The following ERCC1 variants were observed in gnomAD, a reference collection of about 807,000 sequenced individuals.
ERCC1 encodes the protein ERCC excision repair 1, endonuclease non-catalytic subunit.
In ERCC1, 36 loss-of-function variants were observed where a neutral mutation model predicts 37.6. The ratio of observed to expected loss-of-function variants is 0.96; its 90% CI spans 0.73 to 1.26. The LOEUF (loss-of-function observed/expected upper bound fraction) is 1.26. ERCC1 is among the 50% of genes most tolerant of loss of function. ERCC1 has a pLI of 0.00. For missense variants in ERCC1, 349 were observed against 376.5 expected (o/e 0.93, Z 0.60); for synonymous variants, 156 against 162.1 (o/e 0.96, Z 0.28).
chr19:45,409,189 G>A lies in ERCC1; in HGVS notation c.*486C>T, dbSNP rs1973532958. 6.2e-7 allele frequency: 1 copy of A among 1,613,686 alleles called. No homozygotes were observed. The highest frequency in any genetic ancestry group is 1.1e-5 in the South Asian group (1 of 91,022). ...CAGAGACAGAGGTGGTGGGGCCTGA[G>A]CTGCCGGATGACCTTGAGCCTCAGG... On this transcript the variant is annotated 3_prime_UTR_variant, in exon 10 of 10. Transcript: ENST00000300853.
intron 6 of ERCC1, chr19:45,415,785 A>G (rs1184549802): frequency 4.4e-6 from 2 of 455,608 alleles, no homozygotes; most frequent in Non-Finnish European, 8.8e-6. Context: ...GCCCAACCCC[A>G]CTTCTCCCTG....
intron 1 of ERCC1, among the ~76,000 whole-genome samples, chr19:45,440,313 C>T (rs1312570021): frequency 6.6e-6 from 1 of 152,076 alleles, no homozygotes; most frequent in Non-Finnish European, 1.5e-5. Flanking sequence ...CCTATTTCCC[C>T]TCTCCACCCT....
At chr19:45,435,749 T>C (rs887698868) in intron 1 of ERCC1, among the ~76,000 whole-genome samples, 5 of 152,122 alleles carry the variant, frequency 3.3e-5, no homozygotes, top group African/African-American at 1.2e-4. Flanking sequence ...TGAGCCTCCA[T>C]GTTCAGTCCA....
chr19:45,433,173 T>G (rs1475463575), intron 1 of ERCC1, among the ~76,000 whole-genome samples: 1 of 152,000 alleles, frequency 6.6e-6, no homozygotes, highest in Non-Finnish European at 1.5e-5. Context: ...GCAGATCACT[T>G]GAGGTCAGGA....
At chr19:45,448,313 C>T (rs1175364458) in intron 1 of ERCC1, among the ~76,000 whole-genome samples, 1 of 152,124 alleles carries the variant, frequency 6.6e-6, no homozygotes, top group Non-Finnish European at 1.5e-5. Flanking sequence ...AGAGTCAAGG[C>T]CCAGAGAGCA....
At chr19:45,425,582 C>A (rs549619160), upstream of ERCC1, among the ~76,000 whole-genome samples, 14 of 152,092 alleles carry the variant, frequency 9.2e-5, no homozygotes, top group Admixed American at 9.2e-4. Context: ...GTTGGCCCTG[C>A]TGGTCTCGAA....
In ERCC1 at chr19:45,413,750, A is replaced by G; in HGVS notation, c.775-5T>C. The G allele has an allele frequency of 6.2e-7, 1 of 1,613,210 alleles. No homozygotes were observed. The highest frequency in any genetic ancestry group is 8.5e-7 in the Non-Finnish European group (1 of 1,180,038). Reference sequence around the variant, plus strand: ...GGCGATGAGCTGTTCCAGAGACTGAAAGGTGAAAGCGAGGGGTCAGGGCAG... The same window carrying G: ...GGCGATGAGCTGTTCCAGAGACTGAGAGGTGAAAGCGAGGGGTCAGGGCAG... On this transcript the variant is annotated splice_polypyrimidine_tract_variant and splice_region_variant and intron_variant, in intron 8 of 9. Coordinates refer to ENST00000300853, the MANE Select transcript of ERCC1 (RefSeq NM_001983.4).
chr19:45,409,328 AGGGCAACTCC>A lies in ERCC1; in HGVS notation c.*337_*346del. On this transcript the variant is annotated 3_prime_UTR_variant, in exon 10 of 10. Coordinates refer to ENST00000300853, the MANE Select transcript of ERCC1 (RefSeq NM_001983.4). The stretch of plus-strand genomic sequence containing the variant: ...GCCAGGGGAGGGACAGCCTGAAGCC[AGGGCAACTCC>A]GGGATCCACCAAGAAGAGGAAGAAG... 1 of 1,614,130 alleles carries A rather than the reference AGGGCAACTCC, an allele frequency of 6.2e-7. No homozygotes were observed. Among genetic ancestry groups the A allele is most frequent in the Non-Finnish European group, 8.5e-7 (1 of 1,180,014 alleles).
At chr19:45,427,189 A>T (rs1259979988), upstream of ERCC1, among the ~76,000 whole-genome samples, 1 of 152,072 alleles carries the variant, frequency 6.6e-6, no homozygotes, top group Non-Finnish European at 1.5e-5. Flanking sequence ...AGAAAAAGGA[A>T]ATCCAGAATC....
At position 45,413,953 on chromosome 19, in the gene ERCC1, C is replaced by G. The variant is rs1568577651; in HGVS notation, c.774+10G>C. The G allele has an allele frequency of 1.2e-6, 2 of 1,612,626 alleles. No homozygotes were observed. The highest frequency in any genetic ancestry group is 1.7e-6 in the Non-Finnish European group (2 of 1,178,998). ...AGAAATGCCTATGGGGCAGGGGAGCCATTCCTTACTCCAAATGTGGTCAGG... is the reference window on the plus strand; with the variant it reads ...AGAAATGCCTATGGGGCAGGGGAGCGATTCCTTACTCCAAATGTGGTCAGG... On this transcript the variant is annotated intron_variant, in intron 8 of 9. Coordinates refer to ENST00000300853, the MANE Select transcript of ERCC1 (RefSeq NM_001983.4).
chr19:45,428,043 C>T (rs1342219068), upstream of ERCC1, among the ~76,000 whole-genome samples: 1 of 145,274 alleles, frequency 6.9e-6, no homozygotes, highest in Admixed American at 7.0e-5. Context: ...GGATTTCTAC[C>T]CTCAGTTTCT....
chr19:45,432,533 T>C (rs777852404), intron 1 of ERCC1, among the ~76,000 whole-genome samples: 8 of 152,062 alleles, frequency 5.3e-5, no homozygotes, highest in Non-Finnish European at 1.0e-4. Flanking sequence ...CAAAAACTCT[T>C]TGGGGTCCTC....
intron 7 of ERCC1, 186 bp from the exon 8 acceptor site, chr19:45,414,220 T>C: frequency 1.5e-6 from 1 of 647,642 alleles, no homozygotes; most frequent in Non-Finnish European, 2.8e-6. Context: ...TCATGCCTAA[T>C]AATCCCAGCA....
chr19:45,420,562 C>T lies in ERCC1; in HGVS notation c.322-135G>A, dbSNP rs571799862. ...CCTCCTGCCTCCTCGCACCTCTTCC[C>T]ACACCTCCTCCCTCCTCCCACCTGT... is the stretch of plus-strand genomic sequence containing the variant. On this transcript the variant is annotated intron_variant, in intron 3 of 9. Coordinates refer to ENST00000300853, the MANE Select transcript of ERCC1 (RefSeq NM_001983.4). This position sits in a 1 kb window ranked among gnomAD's most constrained non-coding sequence, Gnocchi z 4.8. The T allele has an allele frequency of 1.3e-4, 90 of 694,596 alleles. No individual in the cohort carries two copies. Among genetic ancestry groups the T allele is most frequent in the Non-Finnish European group, 1.9e-4 (72 of 379,860 alleles). The allele number at this position is 694,596 out of a possible 1,614,324, so 43.0% of individuals were successfully genotyped here. A position where few individuals can be genotyped will look rare whatever the true frequency, so the allele number is the denominator to read the frequency against.
intron 1 of ERCC1, among the ~76,000 whole-genome samples, chr19:45,440,168 C>T (rs73940210): frequency 0.076 from 11,424 of 151,172 alleles, 1,414 homozygotes; most frequent in African/African-American, 0.26. Flanking sequence ...ACGTCCCCCA[C>T]ATTGTATCCT....
intron 1 of ERCC1, among the ~76,000 whole-genome samples, chr19:45,442,528 A>G (rs531945905): frequency 1.7e-4 from 26 of 152,260 alleles, no homozygotes; most frequent in Middle Eastern, 3.4e-3. Flanking sequence ...TTCAGCACTC[A>G]GTGAGTAGGC....
chr19:45,430,998 G>A (rs1299175530), intron 1 of ERCC1, among the ~76,000 whole-genome samples: 1 of 152,016 alleles, frequency 6.6e-6, no homozygotes, highest in Non-Finnish European at 1.5e-5. Flanking sequence ...CCTTCCCCAG[G>A]CTGGAGTGCA....
intron 9 of ERCC1, 149 bp downstream of exon 9, chr19:45,413,528 G>A: frequency 6.3e-7 from 1 of 1,576,234 alleles, no homozygotes; most frequent in Non-Finnish European, 8.7e-7. Flanking sequence ...CTCCCGCCTT[G>A]GCCTCCCAAA....
chr19:45,414,166 T>A (rs1973908808), intron 7 of ERCC1, 132 bp from the exon 8 acceptor site: 3 of 731,930 alleles, frequency 4.1e-6, no homozygotes, highest in Non-Finnish European at 4.8e-6. Context: ...AAACGCTTTT[T>A]TTCCCAACTG....
Sources: gnomAD v4.1 joint callset for allele counts (sites outside exome capture counted in the v4.1 genomes callset) on GRCh38, gnomAD v4.1.1 for gene constraint, Gnocchi (gnomAD v3.1) non-coding constraint, MANE v1.5 for transcripts, NCBI Gene and HGNC (gene_info 2026-07-23, HGNC 2026-07-21) for gene names.